Variants in WDR41 observed in about 807,000 individuals in gnomAD.
The protein encoded by WDR41 is WD repeat domain 41.
Under a neutral mutation model 69.3 loss-of-function variants are expected in WDR41, and 63 were observed. The observed-to-expected ratio is 0.91, with a 90% CI of 0.74 to 1.12. The LOEUF (loss-of-function observed/expected upper bound fraction) is 1.12. Ranked by LOEUF, WDR41 falls within the 50% of genes most tolerant of loss-of-function variation. The probability of loss-of-function intolerance (pLI) is 0.00; values close to 1 mark genes in which losing one functional copy is unlikely to be tolerated. For synonymous variants in WDR41, 185 were observed against 192.1 expected (o/e 0.96, Z 0.31); for missense variants, 543 against 534.5 (o/e 1.02, Z -0.16).
At chr5:77,554,181 G>T (rs1056503499) in intron 1 of WDR41, among the ~76,000 whole-genome samples, 1 of 152,136 alleles carries the variant, frequency 6.6e-6, no homozygotes, top group Non-Finnish European at 1.5e-5. Context: ...ATCCCCAAAA[G>T]TTACACACTA....
At chr5:77,540,406 T>C (rs1743066245) in intron 1 of WDR41, 2 of 152,234 alleles carry the variant, frequency 1.3e-5, no homozygotes, top group Non-Finnish European at 2.9e-5. Flanking sequence ...CAGGCCCAAG[T>C]AACGTAATGA....
Position 77,501,688 on chromosome 5 carries a change from C to T in WDR41, c.43-12116G>A, listed in dbSNP as rs545697082. On this transcript the variant is annotated intron_variant, in intron 1 of 5. Coordinates refer to the WDR41 transcript ENST00000509971. ...GGGACAAAGCTTCCAGAGGAAGGAT[C>T]AGGCAGCAATATTTGCTGTTCTGCA... 2.0e-4 allele frequency among the ~76,000 whole-genome samples: 30 copies of T among 152,234 alleles called. No homozygotes were observed. The South Asian group carries it at 5.8e-3, about 29-fold the overall frequency.
chr5:77,471,944 A>G (rs1800638580), intron 2 of WDR41, among the ~76,000 whole-genome samples: 1 of 152,212 alleles, frequency 6.6e-6, no homozygotes, highest in African/African-American at 2.4e-5. Flanking sequence ...TCATCCTGAT[A>G]CCAAAGCCGG....
chr5:77,617,377 C>T (rs1044437000), intron 1 of WDR41, among the ~76,000 whole-genome samples: 1 of 152,122 alleles, frequency 6.6e-6, no homozygotes, highest in Admixed American at 6.6e-5. Context: ...TTTTCTGTCT[C>T]TCTCATCTAC....
chr5:77,493,741 G>A (rs1460893919), upstream of WDR41, among the ~76,000 whole-genome samples: 1 of 152,192 alleles, frequency 6.6e-6, no homozygotes, highest in African/African-American at 2.4e-5. Context: ...CAGGAGTTCA[G>A]TTCTGGAAGG....
At chr5:77,469,675 G>T (rs1052058105) in intron 2 of WDR41, among the ~76,000 whole-genome samples, 2 of 152,048 alleles carry the variant, frequency 1.3e-5, no homozygotes, top group African/African-American at 2.4e-5. Context: ...AATGCTAAGG[G>T]TATCAGTGAT....
At chr5:77,566,337 T>C (rs889996981) in intron 1 of WDR41, among the ~76,000 whole-genome samples, 40 of 152,182 alleles carry the variant, frequency 2.6e-4, no homozygotes, top group African/African-American at 8.9e-4. Context: ...CTCTACTCAC[T>C]GTCCTGTATG....
At chr5:77,466,047 G>A (rs1337595921) in intron 2 of WDR41, among the ~76,000 whole-genome samples, 1 of 151,904 alleles carries the variant, frequency 6.6e-6, no homozygotes, top group African/African-American at 2.4e-5. Context: ...TTATTCAGGA[G>A]ACATGAAATT....
chr5:77,545,606 TG>T, intron 1 of WDR41: 1 of 349,558 alleles, frequency 2.9e-6, no homozygotes, highest in South Asian at 4.7e-5. Flanking sequence ...ATGAAATCCC[TG>T]GAGATCTATC....
intron 1 of WDR41, chr5:77,491,914 C>A: frequency 1.9e-6 from 1 of 514,754 alleles, no homozygotes; most frequent in Non-Finnish European, 3.4e-6. Flanking sequence ...GCCAGGATCT[C>A]ACGATTCAGC....
intron 1 of WDR41, among the ~76,000 whole-genome samples, chr5:77,565,540 G>A (rs1245555624): frequency 6.6e-6 from 1 of 152,072 alleles, no homozygotes; most frequent in African/African-American, 2.4e-5. Context: ...AGAGTAGAAA[G>A]GACTATTTAG....
chr5:77,519,817 A>G (rs2112188659), intron 1 of WDR41, among the ~76,000 whole-genome samples: 1 of 151,792 alleles, frequency 6.6e-6, no homozygotes, highest in Non-Finnish European at 1.5e-5. Flanking sequence ...AAACACACAC[A>G]GGAAGGCTAC....
At chr5:77,468,638 A>C (rs1474215541) in intron 2 of WDR41, among the ~76,000 whole-genome samples, 1 of 152,214 alleles carries the variant, frequency 6.6e-6, no homozygotes, top group East Asian at 1.9e-4. Context: ...TAAAGGACAT[A>C]AAAAGTATAG....
Position 77,478,535 on chromosome 5 carries a change from A to C in WDR41, c.167+10922T>G, listed in dbSNP as rs181961669. On this transcript the variant is annotated intron_variant, in intron 2 of 12. Transcript: ENST00000296679. ...GCTGGTTCAATATACGCAAATCAAT[A>C]AATGTAATCCATCATATAAACAGAA... Among the ~76,000 whole-genome samples the C allele has an allele frequency of 3.6e-4, 55 of 152,326 alleles. 2 individuals are homozygous for C. The East Asian group carries it at 8.7e-3, about 24-fold the overall frequency.
intron 2 of WDR41, among the ~76,000 whole-genome samples, chr5:77,485,962 G>A (rs163028): frequency 0.59 from 89,520 of 151,878 alleles, 28,118 homozygotes; most frequent in African/African-American, 0.8. Flanking sequence ...AAAACCCAGA[G>A]TGTAATGTCT....
intron 1 of WDR41, among the ~76,000 whole-genome samples, chr5:77,617,330 A>C (rs1744696753): frequency 6.6e-6 from 1 of 152,194 alleles, no homozygotes; most frequent in Admixed American, 6.5e-5. Context: ...GTTTTCACTT[A>C]GGAGACTTGT....
chr5:77,446,451 A>G (rs944917660), intron 8 of WDR41, among the ~76,000 whole-genome samples: 2 of 152,248 alleles, frequency 1.3e-5, no homozygotes, highest in Non-Finnish European at 2.9e-5. Context: ...GAATCAAAGA[A>G]GACCCCGTAT....
At chr5:77,504,862 A>T (rs1310131540) in intron 1 of WDR41, among the ~76,000 whole-genome samples, 1 of 152,230 alleles carries the variant, frequency 6.6e-6, no homozygotes, top group Non-Finnish European at 1.5e-5. Context: ...CTAGGTATCG[A>T]TGGAACGTAT....
chr5:77,519,171 G>A (rs1320009892), intron 1 of WDR41, among the ~76,000 whole-genome samples: 4 of 151,510 alleles, frequency 2.6e-5, no homozygotes, highest in Admixed American at 2.0e-4. Flanking sequence ...TATTTATTAG[G>A]GTATTCTGCC....
Sources: gnomAD v4.1 joint callset for allele counts (sites outside exome capture counted in the v4.1 genomes callset) on GRCh38, gnomAD v4.1.1 for gene constraint, MANE v1.5 for transcripts, NCBI Gene and HGNC (gene_info 2026-07-23, HGNC 2026-07-21) for gene names.